The following TRIM33 variants were observed in gnomAD, a reference collection of about 807,000 sequenced individuals.
TRIM33 encodes tripartite motif containing 33.
Under a neutral mutation model 125.4 loss-of-function variants are expected in TRIM33, and 20 were observed. The ratio of observed to expected loss-of-function variants is 0.16; its 90% CI spans 0.11 to 0.23. The LOEUF is 0.23. Among genes scored for constraint, TRIM33 ranks in the 10% least tolerant of loss-of-function variants. The probability of loss-of-function intolerance (pLI) is 1.00; values close to 1 mark genes in which losing one functional copy is unlikely to be tolerated. For missense variants in TRIM33, 920 were observed against 1,411.4 expected (o/e 0.65, Z 5.58); for synonymous variants, 564 against 513.9 (o/e 1.10, Z -1.32).
chr1:114,505,738 T>C (rs1045240247), intron 1 of TRIM33, among the ~76,000 whole-genome samples: 5 of 152,110 alleles, frequency 3.3e-5, no homozygotes, highest in Non-Finnish European at 7.4e-5. Context: ...TGGCAAATTT[T>C]TGTATTTTTT....
chr1:114,492,786 T>C (rs1003144761), intron 1 of TRIM33, among the ~76,000 whole-genome samples: 1 of 152,262 alleles, frequency 6.6e-6, no homozygotes, highest in African/African-American at 2.4e-5. Context: ...TCCCATTACA[T>C]GTATATACAT....
intron 8 of TRIM33, among the ~76,000 whole-genome samples, chr1:114,426,528 A>T (rs879498099): frequency 1.8e-4 from 28 of 151,600 alleles, no homozygotes; most frequent in Non-Finnish European, 3.8e-4. Context: ...TTTTTAAAAA[A>T]AAAGGGCAAC....
At chr1:114,452,845 A>G (rs1187401630) in intron 4 of TRIM33, among the ~76,000 whole-genome samples, 1 of 151,492 alleles carries the variant, frequency 6.6e-6, no homozygotes, top group African/African-American at 2.4e-5. Context: ...CAAGGTTACA[A>G]TGAGCTATGA....
At chr1:114,501,798 T>C (rs1652735038) in intron 1 of TRIM33, among the ~76,000 whole-genome samples, 1 of 117,772 alleles carries the variant, frequency 8.5e-6, no homozygotes, top group Non-Finnish European at 1.7e-5. Flanking sequence ...GACAAATAAT[T>C]CACAAAAGGA....
intron 4 of TRIM33, among the ~76,000 whole-genome samples, chr1:114,449,191 A>G (rs1649170680): frequency 1.3e-5 from 2 of 152,140 alleles, no homozygotes; most frequent in South Asian, 2.1e-4. Context: ...GACGTATCTC[A>G]TACCTCCAGG....
Position 114,394,694 on chromosome 1 carries a change from T to C in TRIM33, c.*2954A>G, listed in dbSNP as rs1367302921. On this transcript the variant is annotated 3_prime_UTR_variant, in exon 20 of 20. Transcript: ENST00000358465. ...CCTTATCATTTCTCTGTAGTAATGG[T>C]TTGATGTTTCCATATAGAGCACGAC... 5.0e-6 allele frequency: 1 copy of C among 201,380 alleles called. No homozygotes were observed. 12.5% of individuals were successfully genotyped at this position (201,380 alleles called of 1,614,324 possible). A position where few individuals can be genotyped will look rare whatever the true frequency, so the allele number is the denominator to read the frequency against.
intron 11 of TRIM33, among the ~76,000 whole-genome samples, chr1:114,413,628 T>TAAAAAAA (rs34538412): frequency 3.9e-5 from 2 of 50,860 alleles, no homozygotes; most frequent in Admixed American, 2.5e-4. Context: ...AGCAAAACTG[T>TAAAAAAA]AAAAAAAAAA....
At chr1:114,421,104 T>C (rs537410993) in intron 11 of TRIM33, among the ~76,000 whole-genome samples, 2 of 152,296 alleles carry the variant, frequency 1.3e-5, no homozygotes, top group African/African-American at 4.8e-5. Context: ...AAGGACATTA[T>C]GCTATGTATA....
At chr1:114,510,101 T>C (rs1653249388) in intron 1 of TRIM33, among the ~76,000 whole-genome samples, 1 of 152,128 alleles carries the variant, frequency 6.6e-6, no homozygotes, top group South Asian at 2.1e-4. Context: ...CTCTCTCCTA[T>C]CTGTGAACAC....
chr1:114,489,249 T>C (rs1238059179), intron 1 of TRIM33, among the ~76,000 whole-genome samples: 1 of 152,198 alleles, frequency 6.6e-6, no homozygotes, highest in Non-Finnish European at 1.5e-5. Context: ...AGAATGAAAC[T>C]AGATCTTTAC....
At chr1:114,491,016 GGTAA>G (rs937539397) in intron 1 of TRIM33, among the ~76,000 whole-genome samples, 1 of 151,890 alleles carries the variant, frequency 6.6e-6, no homozygotes, top group Non-Finnish European at 1.5e-5. Flanking sequence ...ATGGTTTGGG[GGTAA>G]GTGAGTAATA....
intron 11 of TRIM33, among the ~76,000 whole-genome samples, chr1:114,418,731 C>T (rs1307501575): frequency 6.6e-6 from 1 of 152,068 alleles, no homozygotes; most frequent in Non-Finnish European, 1.5e-5. Flanking sequence ...TGAGGTTTCT[C>T]GCATGTCTGA....
At chr1:114,420,847 CATGCA>C (rs1209117473) in intron 11 of TRIM33, among the ~76,000 whole-genome samples, 1 of 152,124 alleles carries the variant, frequency 6.6e-6, no homozygotes, top group Non-Finnish European at 1.5e-5. Flanking sequence ...CTGTTGTCAC[CATGCA>C]ATGCAAGAGA....
chr1:114,427,977 C>T, intron 6 of TRIM33, 83 bp from the exon 7 acceptor site: 1 of 1,375,730 alleles, frequency 7.3e-7, no homozygotes, highest in African/African-American at 1.4e-5. Context: ...GGGCACAATA[C>T]CTATACTTCC....
intron 11 of TRIM33, among the ~76,000 whole-genome samples, chr1:114,419,200 C>CAAAAAAAAA (rs35757503): frequency 1.8e-4 from 10 of 54,238 alleles, no homozygotes; most frequent in Non-Finnish European, 3.0e-4. Context: ...GACACCATCT[C>CAAAAAAAAA]AAAAAAAAAA....
Position 114,424,754 on chromosome 1 carries a change from G to A in TRIM33, c.1697C>T (p.Pro566Leu). The change falls in exon 10 of 20, where the codon CCT becomes CTT. Residue 566 changes from proline (P) to leucine (L), a missense_variant and splice_region_variant. Around this residue, in one of 8 missense-constraint regions of TRIM33, gnomAD observed 407 missense variants for 589.7 expected, o/e 0.69. Coordinates refer to ENST00000358465, the MANE Select transcript of TRIM33 (RefSeq NM_015906.4). Reference sequence around the variant, plus strand: ...TGTTTGCACACTGATCAATCGAGGAGGCTACAAAAAGTAGAAATTGCAATT... The same window carrying A: ...TGTTTGCACACTGATCAATCGAGGAAGCTACAAAAAGTAGAAATTGCAATT... ...QAAPQMLQQQ[P>L]PRLISVQTMQ... 1 of 1,484,610 alleles carries A rather than the reference G, an allele frequency of 6.7e-7. No homozygotes were observed. The highest frequency in any genetic ancestry group is 9.0e-7 in the Non-Finnish European group (1 of 1,114,318). 92.0% of individuals were successfully genotyped at this position (1,484,610 alleles called of 1,614,324 possible). A position where few individuals can be genotyped will look rare whatever the true frequency, so the allele number is the denominator to read the frequency against.
intron 18 of TRIM33, among the ~76,000 whole-genome samples, chr1:114,398,898 C>CAAAAAAAA (rs372853872): frequency 4.8e-4 from 29 of 60,698 alleles, no homozygotes; most frequent in African/African-American, 6.5e-4. Context: ...AACTTACCCT[C>CAAAAAAAA]AAAAAAAAAA....
intron 1 of TRIM33, among the ~76,000 whole-genome samples, chr1:114,495,017 G>A (rs561437253): frequency 4.6e-5 from 7 of 152,224 alleles, no homozygotes; most frequent in Non-Finnish European, 7.4e-5. Context: ...AGGTTCAAGC[G>A]ATTATCGTGA....
intron 4 of TRIM33, among the ~76,000 whole-genome samples, chr1:114,452,727 TAAAAAAAAAAA>T (rs34364866): frequency 3.7e-5 from 4 of 107,726 alleles, no homozygotes; most frequent in Admixed American, 2.1e-4. Flanking sequence ...CCCCATCTCT[TAAAAAAAAAAA>T]AAAAAAAAAA....
Sources: gnomAD v4.1 joint callset for allele counts (sites outside exome capture counted in the v4.1 genomes callset) on GRCh38, gnomAD v4.1.1 for gene constraint, gnomAD v4.1.1 regional missense constraint, MANE v1.5 for transcripts, NCBI Gene and HGNC (gene_info 2026-07-23, HGNC 2026-07-21) for gene names.